The following CSMD1 variants were observed in gnomAD, a reference collection of about 807,000 sequenced individuals.
The protein encoded by CSMD1 is CUB and sushi domain-containing protein 1.
In CSMD1, 213 loss-of-function variants were observed where a neutral mutation model predicts 417.5. The ratio of observed to expected loss-of-function variants is 0.51; its 90% CI spans 0.46 to 0.57. The LOEUF (loss-of-function observed/expected upper bound fraction) is 0.57. Among genes scored for constraint, CSMD1 ranks in the 20% least tolerant of loss-of-function variants. The pLI is 0.00. For missense variants in CSMD1, 6,923 were observed against 4,529.7 expected, an observed-to-expected ratio of 1.53 and a Z score of -15.17; for synonymous variants, 2,862 against 1,736.8, an observed-to-expected ratio of 1.65 and a Z score of -16.11.
chr8:3,567,877 T>C (rs528359884), intron 10 of CSMD1, among the ~76,000 whole-genome samples: 1 of 152,234 alleles, frequency 6.6e-6, no homozygotes, highest in East Asian at 1.9e-4. Context: ...CTCCTTATCC[T>C]CATCACTCTC....
chr8:4,674,488 G>A (rs7843442), intron 1 of CSMD1, among the ~76,000 whole-genome samples: 2,870 of 152,180 alleles, frequency 0.019, 88 homozygotes, highest in African/African-American at 0.066. Context: ...ATGCTCAAAG[G>A]GAATGAGGGA....
At chr8:3,346,904 G>T (rs537788682) in intron 22 of CSMD1, among the ~76,000 whole-genome samples, 200 of 152,298 alleles carry the variant, frequency 1.3e-3, no homozygotes, top group African/African-American at 4.5e-3. Flanking sequence ...TTCCTTTCTT[G>T]CCAGAAACCA....
chr8:4,515,168 G>C (rs906924990), intron 2 of CSMD1, among the ~76,000 whole-genome samples: 1 of 152,126 alleles, frequency 6.6e-6, no homozygotes, highest in African/African-American at 2.4e-5. Context: ...CTGAGTTTAG[G>C]AACTGCTTCT....
At chr8:4,117,169 G>C (rs531387787) in intron 3 of CSMD1, among the ~76,000 whole-genome samples, 1 of 151,906 alleles carries the variant, frequency 6.6e-6, no homozygotes, top group East Asian at 1.9e-4. Context: ...CGAATTATCT[G>C]AGTATTATTC....
intron 2 of CSMD1, among the ~76,000 whole-genome samples, chr8:4,448,004 G>C (rs992745429): frequency 6.6e-6 from 1 of 152,186 alleles, no homozygotes; most frequent in South Asian, 2.1e-4. Context: ...CCAGGGGCAG[G>C]TGGTAAAACT....
intron 7 of CSMD1, among the ~76,000 whole-genome samples, chr8:3,687,048 T>C (rs1799977514): frequency 6.6e-6 from 1 of 152,140 alleles, no homozygotes; most frequent in Admixed American, 6.5e-5. Flanking sequence ...GTAAAAAAAT[T>C]ATGAGGATGT....
At chr8:4,776,180 A>C (rs893363205) in intron 1 of CSMD1, among the ~76,000 whole-genome samples, 8 of 152,222 alleles carry the variant, frequency 5.3e-5, no homozygotes, top group African/African-American at 1.7e-4. Flanking sequence ...ATTAGTTTAG[A>C]AGAGAGCCTG....
At chr8:3,443,757 C>T (rs757701962) in intron 12 of CSMD1, among the ~76,000 whole-genome samples, 14 of 152,110 alleles carry the variant, frequency 9.2e-5, no homozygotes, top group Non-Finnish European at 7.4e-5. Flanking sequence ...CTTTAAAGGA[C>T]CTTGAAATAC....
At chr8:3,601,778 C>G (rs1330917707) in intron 8 of CSMD1, among the ~76,000 whole-genome samples, 3 of 152,204 alleles carry the variant, frequency 2.0e-5, no homozygotes, top group East Asian at 1.9e-4. Flanking sequence ...TCCCTGCTCC[C>G]TAATGTTTCC....
chr8:4,725,834 G>A (rs753997317), intron 1 of CSMD1, among the ~76,000 whole-genome samples: 3 of 152,104 alleles, frequency 2.0e-5, no homozygotes, highest in Admixed American at 6.5e-5. Context: ...TGTTCACGAC[G>A]TGGCTAAAGG....
intron 41 of CSMD1, chr8:3,128,608 T>C (rs1292152999): frequency 3.3e-6 from 1 of 300,918 alleles, no homozygotes; most frequent in Non-Finnish European, 6.5e-6. Context: ...TGTCATCTTA[T>C]CAATTTATCA....
At chr8:3,977,166 C>G (rs1221670311) in intron 5 of CSMD1, among the ~76,000 whole-genome samples, 2 of 152,134 alleles carry the variant, frequency 1.3e-5, no homozygotes, top group African/African-American at 4.8e-5. Context: ...ATCTCTTGGG[C>G]TGAAGCAATC....
chr8:3,141,487 A>T (rs528068432), intron 41 of CSMD1, among the ~76,000 whole-genome samples: 3 of 152,074 alleles, frequency 2.0e-5, no homozygotes, highest in Non-Finnish European at 4.4e-5. Flanking sequence ...AGGACTAACA[A>T]ATTACCTGTA....
At chr8:3,450,387 T>G (rs1162348190) in intron 12 of CSMD1, among the ~76,000 whole-genome samples, 2 of 152,108 alleles carry the variant, frequency 1.3e-5, no homozygotes, top group African/African-American at 2.4e-5. Context: ...TGTATACATG[T>G]GCCATGTTGG....
intron 62 of CSMD1, among the ~76,000 whole-genome samples, 190 bp downstream of exon 62, chr8:2,960,951 T>TATATATATATATATAC (rs1158751546): frequency 9.0e-5 from 9 of 99,504 alleles, no homozygotes; most frequent in African/African-American, 5.5e-4. Flanking sequence ...TATATATATA[T>TATATATATATATATAC]ATATATATAT....
intron 42 of CSMD1, among the ~76,000 whole-genome samples, chr8:3,110,652 C>A (rs74785111): frequency 6.6e-6 from 1 of 152,324 alleles, no homozygotes; most frequent in Admixed American, 6.5e-5. Flanking sequence ...GATAACCCAT[C>A]TGAGTGTCCA....
In CSMD1 at chr8:3,400,922, G is replaced by A. The variant is rs140647508; in HGVS notation, c.2267-1393C>T. Among the ~76,000 whole-genome samples, 703 of 147,270 alleles carry A rather than the reference G, an allele frequency of 4.8e-3. 4 individuals carry two copies. Among genetic ancestry groups the A allele is most frequent in the African/African-American group, 0.016 (656 of 40,162 alleles). On this transcript the variant is annotated intron_variant, in intron 15 of 69. Transcript: ENST00000635120. The stretch of plus-strand genomic sequence containing the variant: ...ATTTTTATTAACTTGAGCTCCTGAA[G>A]AACACTTGATTTTTTGTGATAATTT...
At position 3,772,368 on chromosome 8, in the gene CSMD1, T is replaced by TATTTAGAC. The variant is rs1798633087; in HGVS notation, c.819-18327_819-18326insGTCTAAAT. Among the ~76,000 whole-genome samples, 4 of 139,932 alleles carry TATTTAGAC rather than the reference T, an allele frequency of 2.9e-5. 2 individuals are homozygous for TATTTAGAC. Among genetic ancestry groups the TATTTAGAC allele is most frequent in the African/African-American group, 5.5e-5 (2 of 36,524 alleles). 91.8% of individuals were successfully genotyped at this position (139,932 alleles called of 152,430 possible). The stretch of plus-strand genomic sequence containing the variant: ...ATATACATATATTTATATATACATA[T>TATTTAGAC]ATACATATATTCATATATTTATATA... On this transcript the variant is annotated intron_variant, in intron 5 of 69. Coordinates refer to ENST00000635120, the MANE Select transcript of CSMD1 (RefSeq NM_033225.6).
At chr8:4,458,256 T>G (rs1799603543) in intron 2 of CSMD1, among the ~76,000 whole-genome samples, 1 of 152,122 alleles carries the variant, frequency 6.6e-6, no homozygotes, top group East Asian at 1.9e-4. Flanking sequence ...GGTTGCAGAG[T>G]AACCACAAAA....
Sources: allele counts gnomAD v4.1 joint callset (sites outside exome capture counted in the v4.1 genomes callset), GRCh38; gene constraint gnomAD v4.1.1; transcripts MANE v1.5; gene names NCBI Gene and HGNC (gene_info 2026-07-23, HGNC 2026-07-21).